The following MYLK4 variants were observed in gnomAD, a reference collection of about 807,000 sequenced individuals.
MYLK4 encodes the protein caMLCK like.
MYLK4 carries 46 observed loss-of-function variants against 48.1 expected under a neutral mutation model. The observed-to-expected ratio is 0.96, with a 90% confidence interval of 0.75 to 1.22. The LOEUF (loss-of-function observed/expected upper bound fraction) is 1.22, where lower values mean the gene tolerates loss of function less well. Ranked by LOEUF, MYLK4 falls within the 50% of genes most tolerant of loss-of-function variation. The pLI, the probability that MYLK4 is intolerant of heterozygous loss-of-function variation, is 0.00. For missense variants in MYLK4, 451 were observed against 486.1 expected, an observed-to-expected ratio of 0.93 and a Z score of 0.68; for synonymous variants, 170 against 180.8, an observed-to-expected ratio of 0.94 and a Z score of 0.48.
chr6:2,766,012 C>T, the MYLK4 span: 126 of 1,344,284 alleles, frequency 9.4e-5, no homozygotes, highest in Non-Finnish European at 1.2e-4. Flanking sequence ...CGGTGGCCCG[C>T]TCCAGCAGCC....
intron 2 of MYLK4, among the ~76,000 whole-genome samples, chr6:2,701,444 A>C (rs1347762654): frequency 6.6e-6 from 1 of 152,126 alleles, no homozygotes; most frequent in Non-Finnish European, 1.5e-5. Flanking sequence ...AGGAATATTT[A>C]GAGATCTGCG....
At chr6:2,762,989 C>A in the MYLK4 span, among the ~76,000 whole-genome samples, 1 of 152,142 alleles carries the variant, frequency 6.6e-6, no homozygotes, top group Non-Finnish European at 1.5e-5. Flanking sequence ...ACAAAACACC[C>A]ACACAAGCAA....
chr6:2,770,123 A>C, the MYLK4 span: 1 of 1,614,056 alleles, frequency 6.2e-7, no homozygotes, highest in East Asian at 2.2e-5. Flanking sequence ...TGATTAGGAC[A>C]CTTTCCTTCC....
chr6:2,673,928 A>G lies in MYLK4; in HGVS notation c.1119+1119T>C, dbSNP rs1160182495. ...AACATGAGATGGGGGCTCGAGGGAG[A>G]GGAAGGAAGCAAAGAAGATGTACGG... On this transcript the variant is annotated intron_variant, in intron 11 of 12. Transcript: ENST00000274643. This position sits in a 1 kb window ranked among gnomAD's most constrained non-coding sequence, Gnocchi z 4.2. 6.6e-6 allele frequency among the ~76,000 whole-genome samples: 1 copy of G among 152,188 alleles called. No individual in the cohort carries two copies. Among genetic ancestry groups the G allele is most frequent in the Non-Finnish European group, 1.5e-5 (1 of 68,048 alleles).
In MYLK4 at chr6:2,685,384, T is replaced by C; in HGVS notation, c.457A>G (p.Ser153Gly). The C allele has an allele frequency of 6.2e-7, 1 of 1,613,740 alleles. No individual in the cohort carries two copies. Reference sequence around the variant, plus strand: ...GCGTGGTCCAGCTGGTTCATGACGCTGATCTCGTTCTTCACCTCCTCCTGA... The same window carrying C: ...GCGTGGTCCAGCTGGTTCATGACGCCGATCTCGTTCTTCACCTCCTCCTGA... ...KDKEEVKNEI[S>G]VMNQLDHANL... The change falls in exon 6 of 13, where the codon AGC (serine) becomes GGC (glycine). Residue 153 changes from serine (S) to glycine (G), a missense_variant. Physicochemically the swap from Ser to Gly is moderately conservative, Grantham distance 56. Coordinates refer to ENST00000274643, the MANE Select transcript of MYLK4 (RefSeq NM_001012418.5). The surrounding 1 kb of genome is among the most constrained non-coding windows in gnomAD (Gnocchi z 4.5).
intron 2 of MYLK4, among the ~76,000 whole-genome samples, chr6:2,747,561 C>T (rs1764141453): frequency 6.6e-6 from 1 of 152,018 alleles, no homozygotes; most frequent in Non-Finnish European, 1.5e-5. Context: ...CACCATGTCA[C>T]CTGGGCTGGT....
chr6:2,668,253 C>T (rs1229002863), intron 12 of MYLK4, among the ~76,000 whole-genome samples: 5 of 152,116 alleles, frequency 3.3e-5, no homozygotes, highest in Admixed American at 6.5e-5. Flanking sequence ...ACAGCCACTC[C>T]GTCCATCTGG....
intron 2 of MYLK4, among the ~76,000 whole-genome samples, chr6:2,705,015 C>T (rs920208436): frequency 3.9e-5 from 6 of 152,260 alleles, no homozygotes; most frequent in South Asian, 4.1e-4. Context: ...TGCAAGACAC[C>T]GATTCTCGGG....
intron 2 of MYLK4, among the ~76,000 whole-genome samples, chr6:2,718,432 A>G (rs1762948704): frequency 6.6e-6 from 1 of 152,150 alleles, no homozygotes; most frequent in Admixed American, 6.5e-5. Context: ...CCTCTTTTGA[A>G]GAAGGGGTAG....
In MYLK4 at chr6:2,743,992, G is replaced by A. The variant is rs138439586; in HGVS notation, c.159+5144C>T. 525 of 398,894 alleles carry A rather than the reference G, an allele frequency of 1.3e-3. 1 individual carries two copies. The highest frequency in any genetic ancestry group is 2.1e-3 in the Non-Finnish European group (467 of 226,092). 24.7% of individuals were successfully genotyped at this position (398,894 alleles called of 1,614,324 possible). A position where few individuals can be genotyped will look rare whatever the true frequency, so the allele number is the denominator to read the frequency against. ...GAACTGAAGACGAGAGAAGGCACACGCTACCTACAACCCAGACGTCTTTTC... is the reference window on the plus strand; with the variant it reads ...GAACTGAAGACGAGAGAAGGCACACACTACCTACAACCCAGACGTCTTTTC... On this transcript the variant is annotated intron_variant, in intron 2 of 12. Coordinates refer to ENST00000274643, the MANE Select transcript of MYLK4 (RefSeq NM_001012418.5).
chr6:2,718,197 A>G (rs6924926), intron 2 of MYLK4, among the ~76,000 whole-genome samples: 103,187 of 144,136 alleles, frequency 0.72, 35,860 homozygotes, highest in Admixed American at 0.74. Context: ...AAAAAAAAAA[A>G]AAAAGAAAAA....
the MYLK4 span, among the ~76,000 whole-genome samples, chr6:2,767,073 G>T: frequency 6.6e-6 from 1 of 152,060 alleles, no homozygotes; most frequent in Non-Finnish European, 1.5e-5. Flanking sequence ...CGGTATTTCC[G>T]TAACTTTTCT....
chr6:2,705,798 G>C (rs1582073280), intron 2 of MYLK4, among the ~76,000 whole-genome samples: 1 of 152,080 alleles, frequency 6.6e-6, no homozygotes, highest in African/African-American at 2.4e-5. Flanking sequence ...GGTTAGAAAG[G>C]TAACTGTTTT....
chr6:2,670,656 T>G (rs1323577745), intron 12 of MYLK4, among the ~76,000 whole-genome samples: 3 of 152,142 alleles, frequency 2.0e-5, no homozygotes, highest in Non-Finnish European at 4.4e-5. Flanking sequence ...CATCTCTCAA[T>G]AATTCCAAAA....
chr6:2,766,258 G>A, the MYLK4 span: 7 of 1,528,644 alleles, frequency 4.6e-6, no homozygotes, highest in Admixed American at 8.0e-5. Flanking sequence ...ACCCCCGGGC[G>A]CTGGCTGCCG....
intron 2 of MYLK4, among the ~76,000 whole-genome samples, chr6:2,708,991 T>C (rs1386615504): frequency 6.6e-6 from 1 of 152,230 alleles, no homozygotes; most frequent in Non-Finnish European, 1.5e-5. Flanking sequence ...ATGGTTGCTA[T>C]GGCCTTTATC....
chr6:2,736,657 C>G (rs1763684496), intron 2 of MYLK4, among the ~76,000 whole-genome samples: 1 of 152,194 alleles, frequency 6.6e-6, no homozygotes, highest in Non-Finnish European at 1.5e-5. Context: ...TCCATTCTTC[C>G]TGACATCCCC....
At chr6:2,743,991 C>T (rs962493059) in intron 2 of MYLK4, 19 of 398,802 alleles carry the variant, frequency 4.8e-5, no homozygotes, top group South Asian at 3.8e-4. Context: ...AGAAGGCACA[C>T]GCTACCTACA....
chr6:2,682,843 T>C (rs923866762), intron 7 of MYLK4, among the ~76,000 whole-genome samples, 178 bp downstream of exon 7: 1 of 152,088 alleles, frequency 6.6e-6, no homozygotes, highest in Admixed American at 6.5e-5. Flanking sequence ...AGATGGAACA[T>C]GCAAATATTA....
Sources: allele counts gnomAD v4.1 joint callset (sites outside exome capture counted in the v4.1 genomes callset), GRCh38; gene constraint gnomAD v4.1.1; non-coding constraint Gnocchi (gnomAD v3.1); transcripts MANE v1.5; gene names NCBI Gene and HGNC (gene_info 2026-07-23, HGNC 2026-07-21).